The following ING5 variants were observed in gnomAD, a reference collection of about 807,000 sequenced individuals.
ING5 encodes inhibitor of growth protein 5.
A neutral mutation model predicts 37.4 loss-of-function variants in ING5; 17 were observed. The observed-to-expected ratio is 0.45, with a 90% CI of 0.31 to 0.68. The LOEUF is 0.68. Ranked by LOEUF, ING5 falls within the 30% of genes least tolerant of loss-of-function variation. ING5 has a pLI of 0.05. For synonymous variants in ING5, 123 were observed against 116.6 expected (o/e 1.06, Z -0.36); for missense variants, 233 against 311.9 (o/e 0.75, Z 1.91).
At position 241,723,071 on chromosome 2, in the gene ING5, A is replaced by G; in HGVS notation, c.615A>G (p.Pro205=). 6.2e-7 allele frequency: 1 copy of G among 1,614,248 alleles called. No homozygotes were observed. The highest frequency in any genetic ancestry group is 8.5e-7 in the Non-Finnish European group (1 of 1,180,054). Residue 205 remains proline (P), a synonymous_variant, in exon 6 of 8, where the codon CCA becomes CCG. Coordinates refer to ENST00000313552, the MANE Select transcript of ING5 (RefSeq NM_032329.6). ...GGGAGATGATTGGCTGTGACAATCCAGACGTGAGTGTCGCCTGCAGGATTC... is the reference window on the plus strand; with the variant it reads ...GGGAGATGATTGGCTGTGACAATCCGGACGTGAGTGTCGCCTGCAGGATTC... ...SYGEMIGCDN[P]DCPIEWFHFA...
At chr2:241,724,926 C>G in intron 7 of ING5, 63 bp from the exon 8 acceptor site, 1 of 1,544,724 alleles carries the variant, frequency 6.5e-7, no homozygotes, top group Admixed American at 1.9e-5. Context: ...GAGGCGGGCC[C>G]TGGGCACCCT....
chr2:241,706,863 A>AT (rs560352712), intron 2 of ING5, among the ~76,000 whole-genome samples: 12,987 of 134,880 alleles, frequency 0.096, 1,442 homozygotes, highest in African/African-American at 0.28. Context: ...TGTGTGATCT[A>AT]TTTTTTTTTT....
chr2:241,703,853 G>T (rs1407800830), intron 1 of ING5, among the ~76,000 whole-genome samples: 1 of 152,142 alleles, frequency 6.6e-6, no homozygotes, highest in Non-Finnish European at 1.5e-5. Flanking sequence ...TGATTTGCCT[G>T]TCTTGATCTC....
chr2:241,702,051 C>G lies in ING5; in HGVS notation c.-15C>G. 3.6e-6 allele frequency: 5 copies of G among 1,385,444 alleles called. No individual in the cohort carries two copies. The highest frequency in any genetic ancestry group is 4.7e-6 in the Non-Finnish European group (5 of 1,064,982). 85.8% of individuals were successfully genotyped at this position (1,385,444 alleles called of 1,614,324 possible). On this transcript the variant is annotated 5_prime_UTR_variant, in exon 1 of 8. Transcript: ENST00000313552. ...CGCCCGCCCGCGCAGACCCCGAGCG[C>G]GGCCGCGGACGAAGATGGCGACCGC...
At chr2:241,695,748 G>A (rs1390334910) in intron 2 of ING5, among the ~76,000 whole-genome samples, 1 of 152,142 alleles carries the variant, frequency 6.6e-6, no homozygotes, top group Non-Finnish European at 1.5e-5. Flanking sequence ...GATACATAAT[G>A]GGAACAGATA....
chr2:241,705,876 G>A (rs2069896616), intron 2 of ING5, among the ~76,000 whole-genome samples: 1 of 152,172 alleles, frequency 6.6e-6, no homozygotes, highest in South Asian at 2.1e-4. Flanking sequence ...GCTGTAGGTT[G>A]TTAGAATTTG....
upstream of ING5, among the ~76,000 whole-genome samples, chr2:241,701,396 A>C (rs1031053998): frequency 6.6e-6 from 1 of 152,212 alleles, no homozygotes; most frequent in African/African-American, 2.4e-5. Flanking sequence ...GAGAGGTGGC[A>C]GCAAAGGAGC....
At chr2:241,720,888 G>A (rs775019666) in intron 5 of ING5, 76 of 985,490 alleles carry the variant, frequency 7.7e-5, no homozygotes, top group Non-Finnish European at 8.6e-5. Flanking sequence ...TCCCTCAGGC[G>A]AGACTGAGAG....
chr2:241,700,275 GCCGC>G (rs753745421), upstream of ING5, among the ~76,000 whole-genome samples: 3 of 151,078 alleles, frequency 2.0e-5, no homozygotes, highest in African/African-American at 2.4e-5. Flanking sequence ...TCCTGCCTCG[GCCGC>G]CCGAGTAGCT....
Position 241,719,860 on chromosome 2 carries a change from G to A in ING5, c.483-3079G>A, listed in dbSNP as rs991988511. 26 of 1,397,222 alleles carry A rather than the reference G, an allele frequency of 1.9e-5. No homozygotes were observed. In the Admixed American group the frequency reaches 3.4e-4, roughly 18 times the overall value. 86.6% of individuals were successfully genotyped at this position (1,397,222 alleles called of 1,614,324 possible). On this transcript the variant is annotated intron_variant, in intron 5 of 7. Coordinates refer to ENST00000313552, the MANE Select transcript of ING5 (RefSeq NM_032329.6). ...GCCTGGGAGCTCAGCGCTGCCTGCC[G>A]TGCAGGTCCCAGTAGTGACAGATGA...
chr2:241,709,096 GTT>G, intron 2 of ING5, 118 bp from the exon 3 acceptor site: 1 of 1,076,060 alleles, frequency 9.3e-7, no homozygotes, highest in Non-Finnish European at 1.4e-6. Flanking sequence ...CACAGCGTGA[GTT>G]CATGTCAGCC....
chr2:241,705,299 T>C (rs1024864973), intron 2 of ING5, among the ~76,000 whole-genome samples: 2 of 151,816 alleles, frequency 1.3e-5, no homozygotes, highest in Admixed American at 6.6e-5. Context: ...AGGATGGTCT[T>C]GATCTCCTCA....
intron 2 of ING5, among the ~76,000 whole-genome samples, chr2:241,696,257 G>C (rs896230262): frequency 6.6e-6 from 1 of 152,138 alleles, no homozygotes; most frequent in Non-Finnish European, 1.5e-5. Flanking sequence ...CGGGTGTGGT[G>C]GTGGGTGCCT....
chr2:241,701,994 TGGCACCGCCCCGCCCCCGCCTCCCGC>T (rs1358598911), upstream of ING5: 14 of 1,148,800 alleles, frequency 1.2e-5, no homozygotes, highest in South Asian at 6.6e-5. Context: ...GTGAGCGCGC[TGGCACCGCCCCGCCCCCGCCTCCCGC>T]GGCACCGCCC....
At chr2:241,702,552 C>T (rs1381468908) in intron 1 of ING5, among the ~76,000 whole-genome samples, 1 of 151,898 alleles carries the variant, frequency 6.6e-6, no homozygotes, top group Non-Finnish European at 1.5e-5. Flanking sequence ...GGGCCTCCGC[C>T]TGGCTGTGCG....
upstream of ING5, chr2:241,687,052 C>T (rs2069443561): frequency 1.4e-5 from 6 of 422,780 alleles, no homozygotes; most frequent in South Asian, 1.0e-4. Context: ...CTCGGGCGAG[C>T]AGGGCCCTTC....
chr2:241,716,931 T>A (rs2070289439), intron 5 of ING5, among the ~76,000 whole-genome samples: 1 of 152,112 alleles, frequency 6.6e-6, no homozygotes, highest in African/African-American at 2.4e-5. Context: ...ATAGGAGGAA[T>A]AAGTTCAAAA....
chr2:241,703,112 G>C (rs1409996545), intron 1 of ING5, among the ~76,000 whole-genome samples: 1 of 151,890 alleles, frequency 6.6e-6, no homozygotes, highest in Non-Finnish European at 1.5e-5. Context: ...GAAGAGTCAA[G>C]CTGGGGAGCA....
chr2:241,724,893 C>A, intron 7 of ING5, 96 bp from the exon 8 acceptor site: 1 of 1,346,634 alleles, frequency 7.4e-7, no homozygotes, highest in South Asian at 1.2e-5. Context: ...CTGCCGGCGT[C>A]CAGCAGCCCT....
Sources: allele counts gnomAD v4.1 joint callset (sites outside exome capture counted in the v4.1 genomes callset), GRCh38; gene constraint gnomAD v4.1.1; transcripts MANE v1.5; gene names NCBI Gene and HGNC (gene_info 2026-07-23, HGNC 2026-07-21).